FARSB: variants seen among roughly 807,000 people sequenced by gnomAD.
FARSB encodes the protein phenylalanyl-tRNA synthetase subunit beta.
A neutral mutation model predicts 69.6 loss-of-function variants in FARSB; 40 were observed. The ratio of observed to expected loss-of-function variants is 0.57; its 90% CI spans 0.45 to 0.75. FARSB has a LOEUF of 0.75. Ranked by LOEUF, FARSB falls within the 30% of genes least tolerant of loss-of-function variation. The pLI, the probability that FARSB is intolerant of heterozygous loss-of-function variation, is 0.00. For synonymous variants in FARSB, 235 were observed against 247.2 expected (o/e 0.95, Z 0.46); for missense variants, 632 against 722.9 (o/e 0.87, Z 1.44).
intron 16 of FARSB, among the ~76,000 whole-genome samples, chr2:222,593,153 C>T (rs771114690): frequency 5.8e-4 from 88 of 152,084 alleles, no homozygotes; most frequent in African/African-American, 1.2e-3. Flanking sequence ...TGTTATAGCA[C>T]GCATTTTCCA....
At chr2:222,645,921 C>G (rs529269808) in intron 2 of FARSB, among the ~76,000 whole-genome samples, 3 of 152,164 alleles carry the variant, frequency 2.0e-5, no homozygotes, top group African/African-American at 7.2e-5. Flanking sequence ...AATACAGAAT[C>G]TGTTACTGTA....
In FARSB at chr2:222,649,263, G is replaced by A. The variant is rs553268407; in HGVS notation, c.59-468C>T. On this transcript the variant is annotated intron_variant, in intron 1 of 16. Transcript: ENST00000281828. ...AAAAAAAAAAAAAAAAAAAAAAGCT[G>A]GGCCAAAAAAATTTAAGATAAAAAA... Among the ~76,000 whole-genome samples, 192 of 146,242 alleles carry A rather than the reference G, an allele frequency of 1.3e-3. 1 individual carries two copies. The highest frequency in any genetic ancestry group is 0.011 in the Admixed American group (166 of 14,678).
intron 16 of FARSB, among the ~76,000 whole-genome samples, chr2:222,585,101 G>A (rs550410639): frequency 2.5e-4 from 38 of 152,318 alleles, no homozygotes; most frequent in African/African-American, 7.9e-4. Context: ...AGTAGGGGCC[G>A]ACTGACACCT....
chr2:222,628,219 C>G (rs1022775024), intron 10 of FARSB, among the ~76,000 whole-genome samples: 2 of 152,140 alleles, frequency 1.3e-5, no homozygotes, highest in African/African-American at 4.8e-5. Flanking sequence ...TTAATAAGTT[C>G]TATTGTTCTA....
chr2:222,636,084 A>AG (rs1489983539), intron 5 of FARSB, among the ~76,000 whole-genome samples: 13 of 151,696 alleles, frequency 8.6e-5, no homozygotes, highest in Admixed American at 8.5e-4. Flanking sequence ...TGTCTCAAAA[A>AG]AAAAAAAAAA....
chr2:222,649,011 G>T (rs752242869), intron 1 of FARSB, among the ~76,000 whole-genome samples: 1 of 152,042 alleles, frequency 6.6e-6, no homozygotes, highest in African/African-American at 2.4e-5. Flanking sequence ...TGGATCATCT[G>T]AGGTCAGGAG....
At chr2:222,581,081 G>T (rs1485779459) in intron 16 of FARSB, among the ~76,000 whole-genome samples, 1 of 152,100 alleles carries the variant, frequency 6.6e-6, no homozygotes, top group Non-Finnish European at 1.5e-5. Context: ...TCACCCAAAT[G>T]AATGACAGCA....
intron 4 of FARSB, 60 bp from the exon 5 acceptor site, chr2:222,639,755 G>A (rs967837751): frequency 3.8e-5 from 26 of 680,324 alleles, no homozygotes; most frequent in East Asian, 1.2e-4. Context: ...GTAATATCTT[G>A]TAATAGGAAG....
intron 16 of FARSB, among the ~76,000 whole-genome samples, chr2:222,598,746 T>A (rs887984068): frequency 2.0e-5 from 3 of 152,112 alleles, no homozygotes; most frequent in Non-Finnish European, 4.4e-5. Context: ...TCAACATGCA[T>A]GACCCGGCTC....
At chr2:222,589,505 A>T (rs1167400739) in intron 16 of FARSB, among the ~76,000 whole-genome samples, 8 of 151,876 alleles carry the variant, frequency 5.3e-5, no homozygotes, top group African/African-American at 1.7e-4. Flanking sequence ...AAGCCAAAAT[A>T]GACAAATGGT....
intron 16 of FARSB, among the ~76,000 whole-genome samples, chr2:222,593,374 T>C (rs1411757149): frequency 6.6e-6 from 1 of 152,176 alleles, no homozygotes; most frequent in Non-Finnish European, 1.5e-5. Flanking sequence ...GCAAGAACAC[T>C]GCTATAAAAC....
intron 15 of FARSB, among the ~76,000 whole-genome samples, chr2:222,602,077 C>T (rs1217398895): frequency 1.3e-5 from 2 of 152,130 alleles, no homozygotes; most frequent in Non-Finnish European, 2.9e-5. Context: ...TGTAGATAGA[C>T]TTGACAACCT....
At chr2:222,647,753 A>G (rs1176126797) in intron 2 of FARSB, among the ~76,000 whole-genome samples, 1 of 152,194 alleles carries the variant, frequency 6.6e-6, no homozygotes, top group Non-Finnish European at 1.5e-5. Context: ...CAACAGAGTG[A>G]AACTATATAA....
intron 16 of FARSB, among the ~76,000 whole-genome samples, chr2:222,582,603 T>C (rs1689997401): frequency 6.6e-6 from 1 of 152,100 alleles, no homozygotes; most frequent in Admixed American, 6.6e-5. Flanking sequence ...CTATGATAGA[T>C]AAATAGATAA....
chr2:222,597,729 G>C (rs1324098955), intron 16 of FARSB, among the ~76,000 whole-genome samples: 1 of 152,024 alleles, frequency 6.6e-6, no homozygotes, highest in Non-Finnish European at 1.5e-5. Context: ...CTATGAGCAC[G>C]ATCCAGGCCA....
chr2:222,633,439 T>G, intron 6 of FARSB, 132 bp from the exon 7 acceptor site: 1 of 500,184 alleles, frequency 2.0e-6, no homozygotes, highest in Non-Finnish European at 3.5e-6. Context: ...TCCCAGCACT[T>G]TGGGAGGCTG....
intron 16 of FARSB, among the ~76,000 whole-genome samples, chr2:222,592,302 A>G (rs1690295020): frequency 6.6e-6 from 1 of 152,150 alleles, no homozygotes. Context: ...CCAGCCACCC[A>G]TCCATCCATT....
chr2:222,584,824 G>A (rs970619449), intron 16 of FARSB, among the ~76,000 whole-genome samples: 1 of 152,224 alleles, frequency 6.6e-6, no homozygotes, highest in African/African-American at 2.4e-5. Flanking sequence ...GGCTTGAGTA[G>A]GTAAACAAAG....
rs1486009816 is a variant in FARSB, at chr2:222,586,075, G to A, written c.1618+13853C>T. On this transcript the variant is annotated intron_variant, in intron 16 of 16. Transcript: ENST00000281828. ...ACATATAATTGTCAGATTCACCAAG[G>A]GTGAAATGAAGGAAAAAAATGTTAA... Among the ~76,000 whole-genome samples the A allele has an allele frequency of 2.6e-5, 4 of 152,258 alleles. No individual in the cohort carries two copies. In the South Asian group the frequency reaches 6.2e-4, roughly 24 times the overall value.
Sources: allele counts gnomAD v4.1 joint callset (sites outside exome capture counted in the v4.1 genomes callset), GRCh38; gene constraint gnomAD v4.1.1; transcripts MANE v1.5; gene names NCBI Gene and HGNC (gene_info 2026-07-23, HGNC 2026-07-21).